POC1B: variants seen among roughly 807,000 people sequenced by gnomAD.
The protein encoded by POC1B is POC1 centriolar protein homolog B.
POC1B carries 44 observed loss-of-function variants against 60.6 expected under a neutral mutation model. That is an observed-to-expected ratio of 0.73 (90% CI 0.57 to 0.93). The LOEUF (loss-of-function observed/expected upper bound fraction) is 0.93. POC1B is among the 40% of genes least tolerant of loss of function. The pLI, the probability that POC1B is intolerant of heterozygous loss-of-function variation, is 0.00. For synonymous variants in POC1B, 180 were observed against 198.9 expected, an observed-to-expected ratio of 0.90 and a Z score of 0.80; for missense variants, 555 against 572.3, an observed-to-expected ratio of 0.97 and a Z score of 0.31.
intron 2 of POC1B, chr12:89,502,623 TG>T: frequency 7.6e-7 from 1 of 1,321,146 alleles, no homozygotes; most frequent in Non-Finnish European, 1.1e-6. Context: ...ATTATTCTCA[TG>T]GATCTTGTAA....
rs1871057986 is a variant in POC1B at position 89,523,150 on chromosome 12, G to A, written c.100+1970C>T. On this transcript the variant is annotated intron_variant, in intron 2 of 11. Transcript: ENST00000313546. ...AAACAGTGAAAGGTTAGCACCTGTG[G>A]GGTTGTTGTCAGGAGAATTATAATC... 1.9e-6 allele frequency: 3 copies of A among 1,613,664 alleles called. No homozygotes were observed. The South Asian group carries it at 3.3e-5, about 18-fold the overall frequency.
intron 10 of POC1B, among the ~76,000 whole-genome samples, chr12:89,434,105 C>T (rs1016874229): frequency 1.3e-5 from 2 of 152,154 alleles, no homozygotes; most frequent in Admixed American, 1.3e-4. Context: ...AGGATATAAT[C>T]AAAAAATGTC....
chr12:89,508,655 C>T (rs964540574), intron 2 of POC1B, among the ~76,000 whole-genome samples: 5 of 152,076 alleles, frequency 3.3e-5, no homozygotes, highest in Non-Finnish European at 2.9e-5. Context: ...GTGTCCCCAC[C>T]GAAAATCTCA....
At chr12:89,499,362 A>G (rs556792672) in intron 2 of POC1B, among the ~76,000 whole-genome samples, 2 of 152,310 alleles carry the variant, frequency 1.3e-5, no homozygotes, top group South Asian at 4.1e-4. Context: ...GAGGGAGGAA[A>G]GGAGCGGGGA....
intron 3 of POC1B, among the ~76,000 whole-genome samples, chr12:89,496,027 C>T (rs1023483519): frequency 9.9e-5 from 15 of 152,112 alleles, no homozygotes; most frequent in African/African-American, 3.4e-4. Flanking sequence ...TCCCAAAGTG[C>T]TGTGATTACA....
rs998077488 is a variant in POC1B at position 89,470,388 on chromosome 12, C to T, written c.783G>A (p.Arg261=). The T allele has an allele frequency of 1.3e-6, 2 of 1,588,364 alleles. No individual in the cohort carries two copies. The highest frequency in any genetic ancestry group is 1.1e-5 in the South Asian group (1 of 87,988). Residue 261 remains arginine (R), a synonymous_variant, in exon 7 of 12, where the codon AGG becomes AGA. Coordinates refer to ENST00000313546, the MANE Select transcript of POC1B (RefSeq NM_172240.3). ...TATGTCCTTGAAGTGTATAGATGAG[C>T]CTTCCTTCTAAGAGGTCCAGAATCT... is the stretch of plus-strand genomic sequence containing the variant. ...TLKILDLLEG[R]LIYTLQGHTG...
At chr12:89,523,043 A>G (rs770674955) in intron 2 of POC1B, 2 of 1,613,874 alleles carry the variant, frequency 1.2e-6, no homozygotes, top group Non-Finnish European at 1.7e-6. Context: ...ACCTCTGCAC[A>G]TAACTCTGTC....
intron 9 of POC1B, chr12:89,460,934 TAAAC>T (rs1882461047): frequency 6.6e-6 from 1 of 152,082 alleles, no homozygotes; most frequent in African/African-American, 2.4e-5. Flanking sequence ...TACAAAGAAG[TAAAC>T]AAAGAGCAAC....
At chr12:89,472,089 T>C in intron 5 of POC1B, 79 bp downstream of exon 5, 1 of 989,642 alleles carries the variant, frequency 1.0e-6, no homozygotes, top group Admixed American at 2.2e-5. Context: ...TCTTTACTCA[T>C]TTATTTATTT....
intron 10 of POC1B, among the ~76,000 whole-genome samples, chr12:89,437,607 C>A (rs1333227884): frequency 6.6e-6 from 1 of 151,828 alleles, no homozygotes; most frequent in Non-Finnish European, 1.5e-5. Context: ...CCCCCCCACC[C>A]CCACCATATA....
chr12:89,408,471 GT>G, the POC1B span, among the ~76,000 whole-genome samples: 1 of 148,700 alleles, frequency 6.7e-6, no homozygotes, highest in Non-Finnish European at 1.5e-5. Flanking sequence ...AGCATGTGTT[GT>G]TTCCTGACTT....
intron 2 of POC1B, among the ~76,000 whole-genome samples, chr12:89,506,417 C>T (rs1257827082): frequency 6.6e-6 from 1 of 152,130 alleles, no homozygotes; most frequent in East Asian, 1.9e-4. Flanking sequence ...AGAGAAAGTA[C>T]TAAAGACTGT....
chr12:89,519,787 T>A (rs1407921580), intron 2 of POC1B: 1 of 127,488 alleles, frequency 7.8e-6, no homozygotes, highest in African/African-American at 3.0e-5. Flanking sequence ...GTTATAGGGA[T>A]CCTCCTGGTG....
intron 2 of POC1B, among the ~76,000 whole-genome samples, chr12:89,504,370 G>A (rs138808993): frequency 0.012 from 1,876 of 152,276 alleles, 31 homozygotes; most frequent in Non-Finnish European, 0.016. Flanking sequence ...TAAGGGCGGT[G>A]CAAGATGTGC....
At chr12:89,440,539 AC>A (rs1401382024) in intron 10 of POC1B, among the ~76,000 whole-genome samples, 1 of 152,214 alleles carries the variant, frequency 6.6e-6, no homozygotes, top group Non-Finnish European at 1.5e-5. Flanking sequence ...TTAAGAAAAA[AC>A]AGCTTAAATT....
intron 10 of POC1B, among the ~76,000 whole-genome samples, chr12:89,455,501 T>G (rs1419430798): frequency 6.6e-6 from 1 of 152,222 alleles, no homozygotes; most frequent in Non-Finnish European, 1.5e-5. Context: ...AAACCAACAC[T>G]GATTTCTTCT....
At chr12:89,493,465 A>T (rs1869087592) in intron 3 of POC1B, among the ~76,000 whole-genome samples, 1 of 152,240 alleles carries the variant, frequency 6.6e-6, no homozygotes, top group South Asian at 2.1e-4. Flanking sequence ...TAGGGAGGAA[A>T]GGTAACTTTA....
Position 89,421,181 on chromosome 12 carries a change from A to G in POC1B, c.1409T>C (p.Leu470Pro), listed in dbSNP as rs371878470. The change falls in exon 12 of 12, where the codon CTT (leucine) becomes CCT (proline). Residue 470 changes from leucine to proline, a missense_variant. By Grantham distance (98) the Leu-to-Pro change is moderately conservative. Transcript: ENST00000313546. The stretch of plus-strand genomic sequence containing the variant: ...GCTTTTCTGTTGGACAGCACTGAAA[A>G]GCTTTTGCTGATTTTCAAGGCAGTC... ...LKDCLENQQK[L>P]FSAVQQKS The G allele has an allele frequency of 9.4e-6, 15 of 1,600,814 alleles. No homozygotes were observed. The highest frequency in any genetic ancestry group is 1.7e-4 in the Middle Eastern group (1 of 6,050).
At chr12:89,522,671 A>C (rs1870984320) in intron 2 of POC1B, 1 of 1,116,874 alleles carries the variant, frequency 9.0e-7, no homozygotes, top group Admixed American at 3.3e-5. Flanking sequence ...GATATACCAA[A>C]ATGAACCCCA....
Sources: allele counts gnomAD v4.1 joint callset (sites outside exome capture counted in the v4.1 genomes callset), GRCh38; gene constraint gnomAD v4.1.1; transcripts MANE v1.5; gene names NCBI Gene and HGNC (gene_info 2026-07-23, HGNC 2026-07-21).